Variants in NFIB observed in about 807,000 individuals in gnomAD.
NFIB encodes nuclear factor 1 B-type.
Under a neutral mutation model 61.5 loss-of-function variants are expected in NFIB, and 11 were observed. The observed-to-expected ratio is 0.18, with a 90% CI of 0.11 to 0.30. The LOEUF (loss-of-function observed/expected upper bound fraction) is 0.30, where lower values mean the gene tolerates loss of function less well. NFIB is among the 10% of genes least tolerant of loss of function. The pLI is 1.00. For missense variants in NFIB, 471 were observed against 608.9 expected, an observed-to-expected ratio of 0.77 and a Z score of 2.38; for synonymous variants, 260 against 216.5, an observed-to-expected ratio of 1.20 and a Z score of -1.76.
At chr9:14,232,385 T>C (rs1182407880) in intron 2 of NFIB, among the ~76,000 whole-genome samples, 3 of 152,216 alleles carry the variant, frequency 2.0e-5, no homozygotes, top group East Asian at 1.9e-4. Context: ...TGTGCCTGTC[T>C]TCCTGCTGCA....
chr9:14,431,039 C>A, the NFIB span, among the ~76,000 whole-genome samples: 1 of 152,046 alleles, frequency 6.6e-6, no homozygotes, highest in Non-Finnish European at 1.5e-5. Flanking sequence ...TCAAATGATT[C>A]TACAAAATTT....
At chr9:14,334,597 T>A (rs994569555) in intron 1 of NFIB, among the ~76,000 whole-genome samples, 4 of 152,216 alleles carry the variant, frequency 2.6e-5, no homozygotes, top group African/African-American at 9.7e-5. Flanking sequence ...TGCCAGTTTA[T>A]ATCTGTTGCA....
chr9:14,382,345 T>C (rs2061498133), intron 1 of NFIB, among the ~76,000 whole-genome samples: 1 of 149,318 alleles, frequency 6.7e-6, no homozygotes, highest in Non-Finnish European at 1.5e-5. Context: ...CAGAAAGTGA[T>C]GAGAGAGAGA....
At chr9:14,387,590 T>C (rs552950030) in intron 1 of NFIB, among the ~76,000 whole-genome samples, 14 of 152,308 alleles carry the variant, frequency 9.2e-5, no homozygotes, top group African/African-American at 2.2e-4. Context: ...TATAAACATA[T>C]GCCAGTAAAC....
rs375736787 is a variant in NFIB, at chr9:14,175,163, A to AT, written c.616+4563dup. Among the ~76,000 whole-genome samples, 72 of 102,156 alleles carry AT rather than the reference A, an allele frequency of 7.0e-4. 18 individuals carry two copies. The highest frequency in any genetic ancestry group is 1.4e-3 in the East Asian group (5 of 3,664). The allele number at this position is 102,156 out of a possible 152,430, so 67.0% of individuals were successfully genotyped here. A position where few individuals can be genotyped will look rare whatever the true frequency, so the allele number is the denominator to read the frequency against. Reference sequence around the variant, plus strand: ...TCTCAAAATTTTTATGACTTAAAGAATTTCTTTTTTTTTTTTTTTTTTTTG... The same window carrying AT: ...TCTCAAAATTTTTATGACTTAAAGAATTTTCTTTTTTTTTTTTTTTTTTTTG... On this transcript the variant is annotated intron_variant, in intron 3 of 10. Transcript: ENST00000380953.
chr9:14,481,679 C>G, the NFIB span, among the ~76,000 whole-genome samples: 2 of 152,114 alleles, frequency 1.3e-5, no homozygotes, highest in African/African-American at 4.8e-5. Context: ...CATGGCCACT[C>G]CTGGTTCCAT....
In NFIB at chr9:14,086,791, T is replaced by TTC; in HGVS notation, c.*1517_*1518insGA. The TTC allele has an allele frequency of 4.8e-6, 1 of 206,682 alleles. No individual in the cohort carries two copies. The highest frequency in any genetic ancestry group is 9.9e-6 in the Non-Finnish European group (1 of 101,076). 12.8% of individuals were successfully genotyped at this position (206,682 alleles called of 1,614,324 possible). On this transcript the variant is annotated 3_prime_UTR_variant, in exon 11 of 11. Coordinates refer to ENST00000380953, the MANE Select transcript of NFIB (RefSeq NM_001190737.2). ...TGTTGTATTTTTTTGTTTTTTTTTT[T>TTC]TTGTTTTTTGTTTTTTAGATTTCAA...
At chr9:14,402,995 A>G (rs1390749488), upstream of NFIB, among the ~76,000 whole-genome samples, 5 of 152,242 alleles carry the variant, frequency 3.3e-5, no homozygotes, top group East Asian at 9.6e-4. Context: ...ACCAGGAGGT[A>G]TTTGAAATAC....
At chr9:14,427,941 T>TTTTTG in the NFIB span, among the ~76,000 whole-genome samples, 2 of 76,728 alleles carry the variant, frequency 2.6e-5, no homozygotes, top group African/African-American at 7.1e-5. Context: ...TCAGTTGTTT[T>TTTTTG]TTTTTTTTTT....
intron 10 of NFIB, among the ~76,000 whole-genome samples, chr9:14,102,249 T>A (rs2035888995): frequency 6.6e-6 from 1 of 152,174 alleles, no homozygotes; most frequent in South Asian, 2.1e-4. Context: ...CCAACTTAAT[T>A]TGACGTTCCA....
chr9:14,304,102 T>C (rs773435930), intron 2 of NFIB, among the ~76,000 whole-genome samples: 1 of 152,216 alleles, frequency 6.6e-6, no homozygotes, highest in Non-Finnish European at 1.5e-5. Context: ...ATGAACTATA[T>C]ATCAAAAATG....
intron 1 of NFIB, among the ~76,000 whole-genome samples, chr9:14,381,841 C>G (rs1162225293): frequency 6.6e-6 from 1 of 152,234 alleles, no homozygotes; most frequent in Non-Finnish European, 1.5e-5. Context: ...ATAGCAGCCA[C>G]TCACAAAAAT....
intron 1 of NFIB, among the ~76,000 whole-genome samples, chr9:14,392,952 C>A (rs1454361149): frequency 1.3e-5 from 2 of 152,172 alleles, no homozygotes; most frequent in Non-Finnish European, 2.9e-5. Flanking sequence ...TAACTTCCAC[C>A]ACCTTAAGTG....
At chr9:14,432,770 T>C in the NFIB span, among the ~76,000 whole-genome samples, 5 of 152,230 alleles carry the variant, frequency 3.3e-5, no homozygotes, top group South Asian at 8.3e-4. Context: ...TGAAAGTGGG[T>C]ATTGAAAGAG....
Position 14,088,091 on chromosome 9 carries a change from G to A in NFIB, c.*218C>T. 3 of 1,062,188 alleles carry A rather than the reference G, an allele frequency of 2.8e-6. No individual in the cohort carries two copies. Among genetic ancestry groups the A allele is most frequent in the Non-Finnish European group, 3.7e-6 (3 of 801,732 alleles). 65.8% of individuals were successfully genotyped at this position (1,062,188 alleles called of 1,614,324 possible). On this transcript the variant is annotated 3_prime_UTR_variant, in exon 11 of 11. Transcript: ENST00000380953. ...GCTGGTCTATTATCTTCTTTCTTCA[G>A]TTTCTTTCCTTTCTGCCTTTGTGTT...
At position 14,391,431 on chromosome 9, in the gene NFIB, G is replaced by C. The variant is rs2061620595; in HGVS notation, c.108+7093C>G. On this transcript the variant is annotated intron_variant, in intron 1 of 8. Coordinates refer to the NFIB transcript ENST00000380934. ...GTCTCTCTAAATTAATAGTTGGTCA[G>C]AGCTGGTACCAGGGAAAGGCAGTCT... 2.1e-5 allele frequency among the ~76,000 whole-genome samples: 3 copies of C among 143,664 alleles called. No individual in the cohort carries two copies. In the South Asian group the frequency reaches 7.0e-4, roughly 34 times the overall value. 94.2% of individuals were successfully genotyped at this position (143,664 alleles called of 152,430 possible).
the NFIB span, among the ~76,000 whole-genome samples, chr9:14,450,795 C>T: frequency 9.9e-5 from 15 of 152,180 alleles, no homozygotes; most frequent in Non-Finnish European, 1.9e-4. Context: ...CATGAAGTAT[C>T]TATTTACTGT....
intron 9 of NFIB, among the ~76,000 whole-genome samples, chr9:14,113,712 A>G (rs1390367582): frequency 1.3e-5 from 2 of 152,244 alleles, no homozygotes; most frequent in Admixed American, 1.3e-4. Context: ...AGTACTTCCC[A>G]TAAGCACACA....
chr9:14,229,844 G>T (rs1398109647), intron 2 of NFIB, among the ~76,000 whole-genome samples: 2 of 152,156 alleles, frequency 1.3e-5, no homozygotes, highest in Admixed American at 1.3e-4. Flanking sequence ...AGGTGATAAA[G>T]AAAAGCAGAT....
Sources: gnomAD v4.1 joint callset for allele counts (sites outside exome capture counted in the v4.1 genomes callset) on GRCh38, gnomAD v4.1.1 for gene constraint, MANE v1.5 for transcripts, NCBI Gene and HGNC (gene_info 2026-07-23, HGNC 2026-07-21) for gene names.